Variants in P4HA2 observed in about 807,000 individuals in gnomAD.
P4HA2 encodes the protein prolyl 4-hydroxylase subunit alpha-2.
In P4HA2, 46 loss-of-function variants were observed where a neutral mutation model predicts 76.9. That is an observed-to-expected ratio of 0.60 (90% CI 0.47 to 0.76). P4HA2 has a LOEUF of 0.76. Ranked by LOEUF, P4HA2 falls within the 30% of genes least tolerant of loss-of-function variation. P4HA2 has a pLI of 0.00. For synonymous variants in P4HA2, 243 were observed against 254.0 expected (o/e 0.96, Z 0.41); for missense variants, 583 against 669.4 (o/e 0.87, Z 1.42).
chr5:132,209,771 A>C (rs28542593), intron 6 of P4HA2, among the ~76,000 whole-genome samples: 34 of 23,220 alleles, frequency 1.5e-3, no homozygotes, highest in African/African-American at 3.2e-3. Flanking sequence ...ACTCTGTCTC[A>C]AAAAAAAAAA....
At chr5:132,207,642 T>A (rs764578135) in intron 8 of P4HA2, 66 bp downstream of exon 8, 2 of 1,411,296 alleles carry the variant, frequency 1.4e-6, no homozygotes, top group East Asian at 2.3e-5. Flanking sequence ...CCACCCATAG[T>A]GCTAGGGATG....
At position 132,194,970 on chromosome 5, in the gene P4HA2, C is replaced by A; in HGVS notation, c.1487G>T (p.Arg496Leu). 6.2e-7 allele frequency: 1 copy of A among 1,613,830 alleles called. No homozygotes were observed. Among genetic ancestry groups the A allele is most frequent in the Non-Finnish European group, 8.5e-7 (1 of 1,179,750 alleles). ...CACAGGGCAGGCAGCATGTCTTGTT[C>A]GGTAGTCACCTTCCCCGCTCCGCAA... is the stretch of plus-strand genomic sequence containing the variant. ...NLLRSGEGDY[R>L]TRHAACPVLV... is the part of the protein sequence containing the mutation. Residue 496 changes from arginine to leucine, a missense_variant, in exon 14 of 15, where the codon CGA becomes CTA. Arg to Leu is a moderately radical substitution (Grantham distance 102, BLOSUM62 -2). Transcript: ENST00000360568.
intron 9 of P4HA2, 63 bp downstream of exon 9, chr5:132,204,019 G>T: frequency 7.2e-7 from 1 of 1,383,418 alleles, no homozygotes; most frequent in Non-Finnish European, 1.0e-6. Flanking sequence ...CATCCCTAGG[G>T]TAGGCACTGA....
intron 5 of P4HA2, among the ~76,000 whole-genome samples, chr5:132,212,850 C>T (rs549333825): frequency 1.2e-4 from 18 of 152,148 alleles, no homozygotes; most frequent in Middle Eastern, 3.2e-3. Context: ...ATGGTTCCCT[C>T]CTCCAAGCAA....
At chr5:132,220,493 G>A (rs2126629726) in intron 1 of P4HA2, among the ~76,000 whole-genome samples, 1 of 152,310 alleles carries the variant, frequency 6.6e-6, no homozygotes, top group South Asian at 2.1e-4. Flanking sequence ...GTTGGAAGTG[G>A]GGAACCCAGC....
At chr5:132,223,454 G>C (rs1187803094) in intron 1 of P4HA2, among the ~76,000 whole-genome samples, 1 of 152,054 alleles carries the variant, frequency 6.6e-6, no homozygotes, top group Non-Finnish European at 1.5e-5. Context: ...GTAGAGATGG[G>C]GTTTCACCAT....
At position 132,190,438 on chromosome 5, in the gene P4HA2, C is replaced by T. The variant is rs1336127785; in HGVS notation, c.*2572G>A. 6.6e-6 allele frequency among the ~76,000 whole-genome samples: 1 copy of T among 152,184 alleles called. No homozygotes were observed. The highest frequency in any genetic ancestry group is 2.4e-5 in the African/African-American group (1 of 41,456). On this transcript the variant is annotated 3_prime_UTR_variant, in exon 15 of 15. Coordinates refer to ENST00000360568, the MANE Select transcript of P4HA2 (RefSeq NM_001017974.2). Reference sequence around the variant, plus strand: ...ATTAGACGGCAGTAGATAGCAATTGCCCTAGACCCAGTGGTTTTTTGCATG... The same window carrying T: ...ATTAGACGGCAGTAGATAGCAATTGTCCTAGACCCAGTGGTTTTTTGCATG...
chr5:132,217,738 G>C lies in P4HA2; in HGVS notation c.179+14C>G. On this transcript the variant is annotated intron_variant, in intron 3 of 14. Coordinates refer to ENST00000360568, the MANE Select transcript of P4HA2 (RefSeq NM_001017974.2). ...AAGGAAGGCCAACTAAGGATGGTTG[G>C]GGACTTAGGACACCTCTTAATCTTG... 6.6e-7 allele frequency: 1 copy of C among 1,508,130 alleles called. No individual in the cohort carries two copies. The highest frequency in any genetic ancestry group is 9.2e-7 in the Non-Finnish European group (1 of 1,083,356). The allele number at this position is 1,508,130 out of a possible 1,614,324, so 93.4% of individuals were successfully genotyped here.
Position 132,209,280 on chromosome 5 carries a change from A to G in P4HA2, c.761T>C (p.Leu254Ser), listed in dbSNP as rs1219917500. 1.9e-6 allele frequency: 3 copies of G among 1,614,138 alleles called. No homozygotes were observed. The highest frequency in any genetic ancestry group is 3.3e-5 in the Admixed American group (2 of 60,024). ...TAACGTTTTTTCTCTCTCTTCCTCC[A>G]ATAACTGCTCAAAGTACCGCAGATT... The part of the protein sequence containing the change: ...GGNLRYFEQL[L>S]EEEREKTLTN... The change falls in exon 7 of 15, where the codon TTG becomes TCG. Residue 254 changes from leucine to serine, a missense_variant. Transcript: ENST00000360568.
At position 132,197,169 on chromosome 5, in the gene P4HA2, G is replaced by A. The variant is rs76449750; in HGVS notation, c.1365+1152C>T. Among the ~76,000 whole-genome samples, 679 of 152,254 alleles carry A rather than the reference G, an allele frequency of 4.5e-3. 6 individuals are homozygous for A. The highest frequency in any genetic ancestry group is 0.015 in the African/African-American group (605 of 41,524). On this transcript the variant is annotated intron_variant, in intron 12 of 14. Transcript: ENST00000360568. ...TATGGATAAAACAGAGGCAAGAGGT[G>A]GGAATCAGGCCATTAAGCCTTGGAG...
intron 11 of P4HA2, 141 bp downstream of exon 11, chr5:132,198,738 G>A (rs1286320978): frequency 2.1e-5 from 14 of 672,110 alleles, no homozygotes; most frequent in East Asian, 2.6e-5. Context: ...GTAACGAAGA[G>A]TTTCCCCTGG....
chr5:132,225,485 G>A (rs947550870), intron 1 of P4HA2, among the ~76,000 whole-genome samples: 1 of 152,180 alleles, frequency 6.6e-6, no homozygotes, highest in African/African-American at 2.4e-5. Context: ...TCCCTCAACC[G>A]ACTCATTCCT....
chr5:132,208,538 C>T (rs1053622340), intron 7 of P4HA2, among the ~76,000 whole-genome samples: 1 of 151,638 alleles, frequency 6.6e-6, no homozygotes, highest in Admixed American at 6.6e-5. Flanking sequence ...CTCCCAAAAT[C>T]ACCTCACATC....
Position 132,192,903 on chromosome 5 carries a change from A to G in P4HA2, c.*107T>C. The G allele has an allele frequency of 1.3e-6, 1 of 782,802 alleles. No individual in the cohort carries two copies. Among genetic ancestry groups the G allele is most frequent in the Admixed American group, 1.8e-5 (1 of 54,124 alleles). The allele number at this position is 782,802 out of a possible 1,614,324, so 48.5% of individuals were successfully genotyped here. A position where few individuals can be genotyped will look rare whatever the true frequency, so the allele number is the denominator to read the frequency against. On this transcript the variant is annotated 3_prime_UTR_variant, in exon 15 of 15. Transcript: ENST00000360568. Reference sequence around the variant, plus strand: ...CTCCCTCTGCTCCAGACAAACATTCATTTCTCCAAAAATCAGCCTGATAGG... The same window carrying G: ...CTCCCTCTGCTCCAGACAAACATTCGTTTCTCCAAAAATCAGCCTGATAGG...
chr5:132,209,249 ATTTGT>A lies in P4HA2; in HGVS notation c.787_791del (p.Thr263SerfsTer5). On this transcript the variant is annotated frameshift_variant, in exon 7 of 15. Coordinates refer to ENST00000360568, the MANE Select transcript of P4HA2 (RefSeq NM_001017974.2). LOFTEE classifies it high-confidence loss of function. ...GGGTTGCTAGCTCAGCTTCTGTCTG[ATTTGT>A]TAACGTTTTTTCTCTCTCTTCCTCC... is the stretch of plus-strand genomic sequence containing the variant. 1.2e-6 allele frequency: 2 copies of A among 1,613,972 alleles called. No individual in the cohort carries two copies. Among genetic ancestry groups the A allele is most frequent in the Non-Finnish European group, 1.7e-6 (2 of 1,179,928 alleles).
chr5:132,198,882 A>G lies in P4HA2; in HGVS notation c.1302T>C (p.Ser434=). The change falls in exon 11 of 15, where the codon TCT becomes TCC. Residue 434 remains serine (S), a synonymous_variant. Transcript: ENST00000360568. The part of the protein sequence containing the change: ...GGQYEPHFDF[S]RRPFDSGLKT... ...GCACCTGTGATTTAGGCCTTACCCT[A>G]GAGAAGTCGAAGTGCGGTTCATACT... 6.2e-7 allele frequency: 1 copy of G among 1,609,626 alleles called. No homozygotes were observed.
chr5:132,218,614 C>A lies in P4HA2; in HGVS notation c.13G>T (p.Val5Leu). The A allele has an allele frequency of 6.2e-7, 1 of 1,613,464 alleles. No individual in the cohort carries two copies. The highest frequency in any genetic ancestry group is 8.5e-7 in the Non-Finnish European group (1 of 1,179,438). Residue 5 changes from valine (V) to leucine (L), a missense_variant, in exon 2 of 15, where the codon GTG becomes TTG. By Grantham distance (32) the Val-to-Leu change is conservative. Transcript: ENST00000360568. The stretch of plus-strand genomic sequence containing the variant: ...AACCAGGCCATCAGCAATGCAGACA[C>A]CCAGAGTTTCATGGTCACAGAGGGA... MKLW[V>L]SALLMAWFGV...
At chr5:132,199,759 G>T (rs1751220368) in intron 10 of P4HA2, 1 of 152,286 alleles carries the variant, frequency 6.6e-6, no homozygotes, top group African/African-American at 2.4e-5. Context: ...GGGAACAGTT[G>T]GCTATTGTGT....
At position 132,218,618 on chromosome 5, in the gene P4HA2, G is replaced by C. The variant is rs1316918483; in HGVS notation, c.9C>G (p.Leu3=). ...AGGCCATCAGCAATGCAGACACCCA[G>C]AGTTTCATGGTCACAGAGGGAAGTG... MK[L]WVSALLMAWF... Residue 3 remains leucine (L), a synonymous_variant, in exon 2 of 15, where the codon CTC becomes CTG. Coordinates refer to ENST00000360568, the MANE Select transcript of P4HA2 (RefSeq NM_001017974.2). 3.1e-6 allele frequency: 5 copies of C among 1,613,096 alleles called. No individual in the cohort carries two copies.
Sources: gnomAD v4.1 joint callset for allele counts (sites outside exome capture counted in the v4.1 genomes callset) on GRCh38, gnomAD v4.1.1 for gene constraint, MANE v1.5 for transcripts, NCBI Gene and HGNC (gene_info 2026-07-23, HGNC 2026-07-21) for gene names.